ASCC2: variants seen among roughly 807,000 people sequenced by gnomAD.
ASCC2 encodes activating signal cointegrator 1 complex subunit 2.
Under a neutral mutation model 93.5 loss-of-function variants are expected in ASCC2, and 42 were observed. The observed-to-expected ratio is 0.45, with a 90% CI of 0.35 to 0.58. The LOEUF (loss-of-function observed/expected upper bound fraction) is 0.58, where lower values mean the gene tolerates loss of function less well. ASCC2 is among the 20% of genes least tolerant of loss of function. The pLI is 0.00. For synonymous variants in ASCC2, 364 were observed against 384.2 expected, an observed-to-expected ratio of 0.95 and a Z score of 0.62; for missense variants, 859 against 977.6, an observed-to-expected ratio of 0.88 and a Z score of 1.62.
intron 9 of ASCC2, 44 bp downstream of exon 9, chr22:29,808,067 C>T: frequency 6.2e-7 from 1 of 1,605,526 alleles, no homozygotes; most frequent in Non-Finnish European, 8.5e-7. Flanking sequence ...CTGCTCGGGC[C>T]TCTCTGTCCC....
rs1337007594 is a variant in ASCC2, at chr22:29,827,972, CACACACA to C, written c.82-2199_82-2193del. Among the ~76,000 whole-genome samples, 10 of 151,870 alleles carry C rather than the reference CACACACA, an allele frequency of 6.6e-5. 1 individual carries two copies. The highest frequency in any genetic ancestry group is 2.2e-4 in the African/African-American group (9 of 41,294). ...TGACACACACACACACACACACACA[CACACACA>C]CCCCTGAGATTCTACTTTCCCTACA... is the stretch of plus-strand genomic sequence containing the variant. On this transcript the variant is annotated intron_variant, in intron 2 of 19. Coordinates refer to ENST00000307790, the MANE Select transcript of ASCC2 (RefSeq NM_032204.5).
chr22:29,805,749 C>T (rs760273251), intron 12 of ASCC2, among the ~76,000 whole-genome samples: 1 of 152,028 alleles, frequency 6.6e-6, no homozygotes, highest in Non-Finnish European at 1.5e-5. Context: ...CATTCTTGTC[C>T]TTGTCCTTGC....
In ASCC2 at chr22:29,789,137, T is replaced by C. The variant is rs777789941; in HGVS notation, c.2150A>G (p.His717Arg). 3.7e-6 allele frequency: 6 copies of C among 1,614,064 alleles called. No homozygotes were observed. Among genetic ancestry groups the C allele is most frequent in the South Asian group, 2.2e-5 (2 of 91,092 alleles). The change falls in exon 20 of 20, where the codon CAT (histidine) becomes CGT (arginine). Residue 717 changes from histidine to arginine, a missense_variant. Transcript: ENST00000307790. The stretch of plus-strand genomic sequence containing the variant: ...CTGGGTTGTCTCGCGGCTCTGCCCA[T>C]GGCCTCGGGGGCTGCCGGCCACTGC... The part of the protein sequence containing the change: ...STAVAGSPRG[H>R]GQSRETTQER...
intron 4 of ASCC2, among the ~76,000 whole-genome samples, chr22:29,823,718 C>T (rs1406379366): frequency 6.6e-6 from 1 of 152,026 alleles, no homozygotes; most frequent in African/African-American, 2.4e-5. Context: ...AGTGGTGGCA[C>T]ATGCCTGTAA....
chr22:29,808,274 A>G, intron 8 of ASCC2, 89 bp from the exon 9 acceptor site: 1 of 1,346,394 alleles, frequency 7.4e-7, no homozygotes, highest in Non-Finnish European at 1.0e-6. Flanking sequence ...GGGAGTGGGA[A>G]GGCCCATTTC....
chr22:29,803,665 C>T (rs190232347), intron 13 of ASCC2, among the ~76,000 whole-genome samples: 4 of 152,308 alleles, frequency 2.6e-5, no homozygotes, highest in African/African-American at 9.6e-5. Flanking sequence ...AAGTAAGGGG[C>T]ATGCATTTTA....
intron 15 of ASCC2, among the ~76,000 whole-genome samples, chr22:29,800,466 G>A (rs2058954974): frequency 6.6e-6 from 1 of 152,204 alleles, no homozygotes; most frequent in Non-Finnish European, 1.5e-5. Context: ...CTAGAATGCT[G>A]TAAGTATTAG....
In ASCC2 at chr22:29,809,351, G is replaced by A. The variant is rs544306834; in HGVS notation, c.834-1166C>T. Among the ~76,000 whole-genome samples the A allele has an allele frequency of 4.6e-5, 7 of 151,982 alleles. No individual in the cohort carries two copies. In the South Asian group the frequency reaches 1.5e-3, roughly 32 times the overall value. On this transcript the variant is annotated intron_variant, in intron 8 of 19. Transcript: ENST00000307790. ...TTAGCACTGTTTCTATAACTTTTTA[G>A]TTAACTAATTAATTTTTTTTTTGAG...
chr22:29,789,292 C>A (rs1215485384), intron 19 of ASCC2, 108 bp from the exon 20 acceptor site: 13 of 1,333,664 alleles, frequency 9.7e-6, no homozygotes, highest in Non-Finnish European at 1.4e-5. Context: ...ACAGACTGGG[C>A]CTGGTCACTC....
intron 12 of ASCC2, among the ~76,000 whole-genome samples, chr22:29,805,582 GGTCA>G (rs1353975777): frequency 6.6e-6 from 1 of 152,076 alleles, no homozygotes; most frequent in East Asian, 1.9e-4. Flanking sequence ...TCTTAGTGAT[GGTCA>G]CCCCAGGGCT....
At position 29,832,306 on chromosome 22, in the gene ASCC2, T is replaced by G; in HGVS notation, c.20A>C (p.Asp7Ala). The G allele has an allele frequency of 6.2e-7, 1 of 1,613,970 alleles. No homozygotes were observed. Among genetic ancestry groups the G allele is most frequent in the Non-Finnish European group, 8.5e-7 (1 of 1,179,940 alleles). ...GTCCTTGTGGGTGATCTGGAGTTGG[T>G]CCAGGGGCAGAGCTGGCATTGTGCT... MPALPL[D>A]QLQITHKDPK... The change falls in exon 2 of 20, where the codon GAC (aspartate) becomes GCC (alanine). Residue 7 changes from aspartate (D) to alanine (A), a missense_variant. By Grantham distance (126) the Asp-to-Ala change is moderately radical. Coordinates refer to ENST00000307790, the MANE Select transcript of ASCC2 (RefSeq NM_032204.5).
intron 1 of ASCC2, among the ~76,000 whole-genome samples, chr22:29,837,555 A>T (rs1335018994): frequency 6.6e-6 from 1 of 152,182 alleles, no homozygotes; most frequent in Non-Finnish European, 1.5e-5. Context: ...CAAAAGCCAA[A>T]AGCTAAGAAA....
At chr22:29,837,178 C>T (rs986804418) in intron 1 of ASCC2, among the ~76,000 whole-genome samples, 7 of 151,980 alleles carry the variant, frequency 4.6e-5, no homozygotes, top group African/African-American at 1.7e-4. Context: ...CGCCTGTAAT[C>T]CCAGCGCTTT....
intron 6 of ASCC2, among the ~76,000 whole-genome samples, chr22:29,815,502 A>G (rs1463030958): frequency 6.6e-6 from 1 of 152,206 alleles, no homozygotes; most frequent in East Asian, 1.9e-4. Flanking sequence ...GTAGGCACTG[A>G]ACTGACTGTG....
chr22:29,823,071 C>A (rs905972313), intron 4 of ASCC2, among the ~76,000 whole-genome samples: 2 of 151,554 alleles, frequency 1.3e-5, no homozygotes, highest in South Asian at 2.1e-4. Context: ...GACAGTCTTG[C>A]TCTGTTGCCC....
intron 2 of ASCC2, among the ~76,000 whole-genome samples, chr22:29,830,836 C>T (rs993165181): frequency 3.9e-5 from 6 of 152,218 alleles, no homozygotes; most frequent in African/African-American, 1.4e-4. Flanking sequence ...GTGCGCCTGG[C>T]ACTGGAAATC....
chr22:29,788,951 C>A lies in ASCC2; in HGVS notation c.*62G>T. On this transcript the variant is annotated 3_prime_UTR_variant, in exon 20 of 20. Transcript: ENST00000307790. Reference sequence around the variant, plus strand: ...GGGCCCCTAGTGAGGAGGCCCCAGGCGATGGGAGCACGGCCTGGTGAGTCT... The same window carrying A: ...GGGCCCCTAGTGAGGAGGCCCCAGGAGATGGGAGCACGGCCTGGTGAGTCT... 2 of 1,603,616 alleles carry A rather than the reference C, an allele frequency of 1.2e-6. No homozygotes were observed. Among genetic ancestry groups the A allele is most frequent in the Middle Eastern group, 1.7e-4 (1 of 5,958 alleles).
intron 10 of ASCC2, 64 bp downstream of exon 10, chr22:29,806,733 G>T: frequency 6.7e-7 from 1 of 1,502,948 alleles, no homozygotes; most frequent in Admixed American, 1.7e-5. Context: ...TGAAATAATG[G>T]AAACGCTCCT....
intron 7 of ASCC2, 80 bp from the exon 8 acceptor site, chr22:29,813,622 A>T (rs1293070333): frequency 2.1e-6 from 2 of 951,146 alleles, no homozygotes; most frequent in African/African-American, 3.3e-5. Context: ...CAACATTAAA[A>T]CAGTCAGGGT....
Sources: allele counts gnomAD v4.1 joint callset (sites outside exome capture counted in the v4.1 genomes callset), GRCh38; gene constraint gnomAD v4.1.1; transcripts MANE v1.5; gene names NCBI Gene and HGNC (gene_info 2026-07-23, HGNC 2026-07-21).